The following SEL1L3 variants were observed in gnomAD, a reference collection of about 807,000 sequenced individuals.
The protein encoded by SEL1L3 is SEL1L family member 3.
A neutral mutation model predicts 142.8 loss-of-function variants in SEL1L3; 76 were observed. The ratio of observed to expected loss-of-function variants is 0.53; its 90% CI spans 0.44 to 0.64. SEL1L3 has a LOEUF of 0.64. SEL1L3 is among the 30% of genes least tolerant of loss of function. The pLI, the probability that SEL1L3 is intolerant of heterozygous loss-of-function variation, is 0.00. For synonymous variants in SEL1L3, 504 were observed against 519.6 expected, an observed-to-expected ratio of 0.97 and a Z score of 0.41; for missense variants, 1,262 against 1,381.7, an observed-to-expected ratio of 0.91 and a Z score of 1.37.
At chr4:25,784,097 CA>C in intron 14 of SEL1L3, 130 bp downstream of exon 14, 1 of 755,194 alleles carries the variant, frequency 1.3e-6, no homozygotes, top group Non-Finnish European at 2.3e-6. Flanking sequence ...TGCTGGCGAC[CA>C]ACTGCTCACC....
intron 1 of SEL1L3, among the ~76,000 whole-genome samples, chr4:25,850,504 T>A (rs1206089181): frequency 1.3e-5 from 2 of 152,214 alleles, no homozygotes; most frequent in South Asian, 2.1e-4. Flanking sequence ...TAATCTCTAA[T>A]CTTTATGAGG....
Position 25,788,606 on chromosome 4 carries a change from G to A in SEL1L3, c.2077-242C>T, listed in dbSNP as rs1302192151. Among the ~76,000 whole-genome samples the A allele has an allele frequency of 1.3e-5, 2 of 151,206 alleles. No homozygotes were observed. Among genetic ancestry groups the A allele is most frequent in the Admixed American group, 6.6e-5 (1 of 15,162 alleles). On this transcript the variant is annotated intron_variant, in intron 12 of 23. Transcript: ENST00000399878. This position sits in a 1 kb window ranked among gnomAD's most constrained non-coding sequence, Gnocchi z 5.3. ...TGTGTGTGTGTGTGTGTGTGTGTGT[G>A]TGTGTGTGTGTGTGTATCTACTGTA...
intron 17 of SEL1L3, among the ~76,000 whole-genome samples, chr4:25,769,251 C>A (rs953909900): frequency 2.0e-5 from 3 of 152,210 alleles, no homozygotes; most frequent in Admixed American, 6.5e-5. Context: ...CAGCTTCTGG[C>A]AGGCAATCCC....
chr4:25,780,319 T>C (rs1719909651), intron 15 of SEL1L3, among the ~76,000 whole-genome samples: 1 of 152,182 alleles, frequency 6.6e-6, no homozygotes. Context: ...CTCCTGTCCA[T>C]GTCTCCGGTA....
chr4:25,761,829 GA>G (rs1179577496), intron 20 of SEL1L3, among the ~76,000 whole-genome samples: 2 of 152,214 alleles, frequency 1.3e-5, no homozygotes, highest in Non-Finnish European at 2.9e-5. Flanking sequence ...CCACTTGCTG[GA>G]AAGATTTCAG....
chr4:25,756,330 G>A (rs1035937714), intron 23 of SEL1L3: 18 of 985,190 alleles, frequency 1.8e-5, no homozygotes, highest in Non-Finnish European at 2.0e-5. Context: ...TATCACAAAT[G>A]ACACGACTGG....
the SEL1L3 span, among the ~76,000 whole-genome samples, chr4:25,725,056 T>A: frequency 1.3e-5 from 2 of 152,086 alleles, no homozygotes; most frequent in South Asian, 4.2e-4. Flanking sequence ...AATGGCTTCC[T>A]GGGAGGTGGA....
intron 6 of SEL1L3, among the ~76,000 whole-genome samples, chr4:25,829,034 G>C (rs1378820169): frequency 6.6e-6 from 1 of 152,112 alleles, no homozygotes; most frequent in Admixed American, 6.5e-5. Flanking sequence ...GTGCAGTGGC[G>C]CCATCTCAGC....
intron 20 of SEL1L3, 131 bp downstream of exon 20, chr4:25,765,195 T>G: frequency 1.5e-6 from 1 of 654,282 alleles, no homozygotes; most frequent in Non-Finnish European, 2.8e-6. Flanking sequence ...GGTTTCGCCA[T>G]GTTGCTCAGG....
At chr4:25,787,276 AAT>A (rs1211403292) in intron 13 of SEL1L3, among the ~76,000 whole-genome samples, 1 of 152,248 alleles carries the variant, frequency 6.6e-6, no homozygotes, top group Non-Finnish European at 1.5e-5. Context: ...TTAATGCACT[AAT>A]ACATGCAAAG....
intron 4 of SEL1L3, 109 bp downstream of exon 4, chr4:25,833,339 T>A (rs1336186539): frequency 7.4e-6 from 8 of 1,074,362 alleles, no homozygotes; most frequent in Non-Finnish European, 9.4e-6. Flanking sequence ...TTGCTCTTGC[T>A]GGGCTGCCAT....
At chr4:25,827,908 C>T (rs1168305593) in intron 6 of SEL1L3, among the ~76,000 whole-genome samples, 1 of 152,040 alleles carries the variant, frequency 6.6e-6, no homozygotes, top group East Asian at 1.9e-4. Flanking sequence ...GGCCAGAGCC[C>T]ATTTCACAGA....
At position 25,829,542 on chromosome 4, in the gene SEL1L3, C is replaced by T. The variant is rs9993428; in HGVS notation, c.1157+556G>A. 8.6e-3 allele frequency among the ~76,000 whole-genome samples: 1,314 copies of T among 152,234 alleles called. 22 individuals are homozygous for T. Among genetic ancestry groups the T allele is most frequent in the African/African-American group, 0.03 (1,264 of 41,528 alleles). ...TGACACTATAAAACCCACGATTATA[C>T]GTGGATGTAGAAGTAAATTAAAAAA... On this transcript the variant is annotated intron_variant, in intron 6 of 23. Transcript: ENST00000399878.
At chr4:25,862,637 G>A in intron 1 of SEL1L3, 38 bp downstream of exon 1, 19 of 1,171,384 alleles carry the variant, frequency 1.6e-5, no homozygotes, top group Non-Finnish European at 2.0e-5. Context: ...CCGGGGCCCC[G>A]CGCGGAGGGG....
chr4:25,845,983 G>C lies in SEL1L3; in HGVS notation c.733+1311C>G, dbSNP rs117326339. Among the ~76,000 whole-genome samples, 182 of 152,150 alleles carry C rather than the reference G, an allele frequency of 1.2e-3. 1 individual carries two copies. Among genetic ancestry groups the C allele is most frequent in the Middle Eastern group, 3.4e-3 (1 of 294 alleles). Reference sequence around the variant, plus strand: ...CGATTCCAAGCCTTCCCCCACCCCCGCAGATCCTGACTAAGTAGATGAAGG... The same window carrying C: ...CGATTCCAAGCCTTCCCCCACCCCCCCAGATCCTGACTAAGTAGATGAAGG... On this transcript the variant is annotated intron_variant, in intron 2 of 23. Transcript: ENST00000399878.
chr4:25,831,031 G>T (rs1344330268), intron 5 of SEL1L3, among the ~76,000 whole-genome samples: 1 of 152,114 alleles, frequency 6.6e-6, no homozygotes, highest in Non-Finnish European at 1.5e-5. Context: ...ATAGAAAGAA[G>T]AAGGACAAAT....
chr4:25,757,433 G>A (rs1473922406), intron 23 of SEL1L3, 101 bp downstream of exon 23: 25 of 897,926 alleles, frequency 2.8e-5, no homozygotes, highest in Admixed American at 1.4e-4. Flanking sequence ...CACCAGGAGG[G>A]AAAACACAAT....
intron 15 of SEL1L3, among the ~76,000 whole-genome samples, chr4:25,781,214 T>C (rs1459756568): frequency 1.3e-5 from 2 of 152,168 alleles, no homozygotes; most frequent in Non-Finnish European, 1.5e-5. Flanking sequence ...TATTTATTTG[T>C]TTATTGTCTT....
At chr4:25,776,984 G>T (rs544779979) in intron 16 of SEL1L3, among the ~76,000 whole-genome samples, 31 of 151,372 alleles carry the variant, frequency 2.0e-4, no homozygotes, top group Middle Eastern at 3.4e-3. Context: ...TACATTAAAT[G>T]TAAATGGACA....
Sources: allele counts gnomAD v4.1 joint callset (sites outside exome capture counted in the v4.1 genomes callset), GRCh38; gene constraint gnomAD v4.1.1; non-coding constraint Gnocchi (gnomAD v3.1); transcripts MANE v1.5; gene names NCBI Gene and HGNC (gene_info 2026-07-23, HGNC 2026-07-21).